The following SYNE1 variants were observed in gnomAD, a reference collection of about 807,000 sequenced individuals.
SYNE1 encodes the protein spectrin repeat containing nuclear envelope protein 1.
Under a neutral mutation model 1,111.0 loss-of-function variants are expected in SYNE1, and 616 were observed. That is an observed-to-expected ratio of 0.55 (90% confidence interval 0.52 to 0.59). The LOEUF is 0.59. Among genes scored for constraint, SYNE1 ranks in the 20% least tolerant of loss-of-function variants. The probability of loss-of-function intolerance (pLI) is 0.00; values close to 1 mark genes in which losing one functional copy is unlikely to be tolerated. For missense variants in SYNE1, 10,006 were observed against 10,417.0 expected (o/e 0.96, Z 1.72); for synonymous variants, 3,855 against 3,825.8 (o/e 1.01, Z -0.28).
chr6:152,135,788 C>G lies in SYNE1; in HGVS notation c.25660-556G>C, dbSNP rs1023320336. ...GGCACATATAAACCTGGAGAGCAGG[C>G]TTCAACTCCTTCCAGGGCTTTCCAT... On this transcript the variant is annotated intron_variant, in intron 141 of 145. Transcript: ENST00000367255. Among the ~76,000 whole-genome samples the G allele has an allele frequency of 2.0e-5, 3 of 152,170 alleles. No homozygotes were observed. The East Asian group carries it at 5.8e-4, about 29-fold the overall frequency.
At chr6:152,380,950 A>C in intron 56 of SYNE1, 56 bp downstream of exon 56, 7 of 1,560,674 alleles carry the variant, frequency 4.5e-6, no homozygotes, top group Non-Finnish European at 6.2e-6. Context: ...GGAATGATGA[A>C]AGTCAAAACA....
intron 46 of SYNE1, 87 bp from the exon 47 acceptor site, chr6:152,401,428 T>G: frequency 7.5e-7 from 1 of 1,338,244 alleles, no homozygotes; most frequent in Non-Finnish European, 1.1e-6. Context: ...GCAGCTTAAT[T>G]GTCAAAGCCA....
At chr6:152,417,415 A>G (rs530539163) in intron 40 of SYNE1, among the ~76,000 whole-genome samples, 31 of 152,146 alleles carry the variant, frequency 2.0e-4, no homozygotes, top group African/African-American at 4.6e-4. Flanking sequence ...GGAGAATGGC[A>G]TGAACCCGGG....
At position 152,416,713 on chromosome 6, in the gene SYNE1, G is replaced by A. The variant is rs375222186; in HGVS notation, c.5724C>T (p.Asp1908=). 2.7e-5 allele frequency: 43 copies of A among 1,614,090 alleles called. No homozygotes were observed. In the African/African-American group the frequency reaches 5.3e-4, roughly 20 times the overall value. ...NKNESDLIEK[D]LNDALQNAKA... Reference sequence around the variant, plus strand: ...TAGCATTTTGAAGAGCATCATTGAGGTCCTTTTCTATCAAATCAGACTCGT... The same window carrying A: ...TAGCATTTTGAAGAGCATCATTGAGATCCTTTTCTATCAAATCAGACTCGT... The change falls in exon 41 of 146, where the codon GAC becomes GAT. Residue 1908 remains aspartate, a synonymous_variant. Coordinates refer to ENST00000367255, the MANE Select transcript of SYNE1 (RefSeq NM_182961.4).
chr6:152,145,539 T>C lies in SYNE1; in HGVS notation c.24977-1774A>G, dbSNP rs2747662. ...TGAGTTTTACATAGGCCTCAGGGCT[T>C]TCGGGGATCATTACATCTGCAAAAA... On this transcript the variant is annotated intron_variant, in intron 137 of 145. Transcript: ENST00000367255. 0.33 allele frequency: 531,337 copies of C among 1,612,136 alleles called. 89,717 individuals are homozygous for C. Among genetic ancestry groups the C allele is most frequent in the Admixed American group, 0.49 (29,267 of 59,982 alleles).
chr6:152,195,593 A>C (rs1563394393), intron 127 of SYNE1, among the ~76,000 whole-genome samples: 1 of 152,204 alleles, frequency 6.6e-6, no homozygotes, highest in Non-Finnish European at 1.5e-5. Context: ...TAAGATCTGG[A>C]AGAATTATCT....
chr6:152,247,640 G>A (rs1047744602), intron 105 of SYNE1, among the ~76,000 whole-genome samples: 15 of 150,596 alleles, frequency 1.0e-4, no homozygotes, highest in Non-Finnish European at 1.5e-4. Context: ...TGAGATGGGA[G>A]AACTGCTTGA....
At chr6:152,206,115 T>C (rs1341548302) in intron 126 of SYNE1, 53 bp downstream of exon 126, 4 of 1,507,574 alleles carry the variant, frequency 2.7e-6, no homozygotes, top group Middle Eastern at 2.3e-4. Flanking sequence ...TGGGAGGAAG[T>C]AGTACAACGA....
chr6:152,152,031 C>T lies in SYNE1; in HGVS notation c.24240G>A (p.Gln8080=). ...NRTDSACSLK[Q]MVHEGNQRWD... ...ATCTCTGGTTGCCTTCGTGAACCAT[C>T]TGTTTGAGGCTACATGCTGAATCAG... Residue 8080 remains glutamine (Q), a synonymous_variant, in exon 134 of 146, where the codon CAG becomes CAA. Transcript: ENST00000367255. The T allele has an allele frequency of 6.2e-7, 1 of 1,614,220 alleles. No individual in the cohort carries two copies. The highest frequency in any genetic ancestry group is 8.5e-7 in the Non-Finnish European group (1 of 1,180,054).
intron 34 of SYNE1, among the ~76,000 whole-genome samples, chr6:152,431,320 T>G (rs572785691): frequency 6.6e-6 from 1 of 152,312 alleles, no homozygotes; most frequent in African/African-American, 2.4e-5. Context: ...CTCAAGAATT[T>G]TCATTTCTAA....
At chr6:152,561,657 T>A (rs2099395672) in intron 3 of SYNE1, among the ~76,000 whole-genome samples, 1 of 152,122 alleles carries the variant, frequency 6.6e-6, no homozygotes, top group South Asian at 2.1e-4. Flanking sequence ...TTTCCTGATT[T>A]TAAATTATAT....
chr6:152,497,335 C>A (rs1197891230), intron 11 of SYNE1, among the ~76,000 whole-genome samples: 1 of 152,218 alleles, frequency 6.6e-6, no homozygotes, highest in Admixed American at 6.5e-5. Context: ...CCCAGGATGT[C>A]TTTTCTGAAT....
chr6:152,162,708 G>GT lies in SYNE1; in HGVS notation c.23790+1454dup, dbSNP rs570177882. 7.2e-5 allele frequency among the ~76,000 whole-genome samples: 11 copies of GT among 152,228 alleles called. No individual in the cohort carries two copies. The East Asian group carries it at 1.7e-3, about 24-fold the overall frequency. ...TTTAAAGCAATGGAATATAGTGTAT[G>GT]TTTCAAGATAGCTAGAAGAGAAGAT... On this transcript the variant is annotated intron_variant, in intron 131 of 145. Transcript: ENST00000367255.
intron 33 of SYNE1, chr6:152,434,945 T>A (rs889562878): frequency 9.2e-5 from 14 of 152,184 alleles, no homozygotes; most frequent in African/African-American, 3.1e-4. Flanking sequence ...TGCAACTTTT[T>A]AAATTAAATA....
chr6:152,344,472 C>T (rs1407405621), intron 73 of SYNE1, among the ~76,000 whole-genome samples: 1 of 152,166 alleles, frequency 6.6e-6, no homozygotes. Flanking sequence ...GGGAAGAGAA[C>T]ATGAGCAGGG....
At chr6:152,254,021 G>C (rs971313720) in intron 104 of SYNE1, among the ~76,000 whole-genome samples, 1 of 151,028 alleles carries the variant, frequency 6.6e-6, no homozygotes, top group African/African-American at 2.4e-5. Flanking sequence ...TTTATCAGCA[G>C]CTTTTGCATT....
chr6:152,417,251 C>A (rs1047612070), intron 40 of SYNE1, among the ~76,000 whole-genome samples: 2 of 152,226 alleles, frequency 1.3e-5, no homozygotes, highest in African/African-American at 2.4e-5. Context: ...GTAATCCCAG[C>A]ACTTTGGGAG....
chr6:152,128,805 C>T (rs1236012690), intron 145 of SYNE1: 1 of 152,174 alleles, frequency 6.6e-6, no homozygotes, highest in African/African-American at 2.4e-5. Flanking sequence ...ACCACGACAG[C>T]CTGGACTGTG....
chr6:152,616,298 G>C (rs1340511060), intron 3 of SYNE1, among the ~76,000 whole-genome samples: 2 of 152,132 alleles, frequency 1.3e-5, no homozygotes, highest in Non-Finnish European at 2.9e-5. Context: ...GTTGGGCCGG[G>C]CACGGTCACT....
Sources: allele counts gnomAD v4.1 joint callset (sites outside exome capture counted in the v4.1 genomes callset), GRCh38; gene constraint gnomAD v4.1.1; transcripts MANE v1.5; gene names NCBI Gene and HGNC (gene_info 2026-07-23, HGNC 2026-07-21).